Variants in ATP8A2 observed in about 807,000 individuals in gnomAD.
ATP8A2 encodes phospholipid-transporting ATPase IB.
ATP8A2 carries 100 observed loss-of-function variants against 165.6 expected under a neutral mutation model. That is an observed-to-expected ratio of 0.60 (90% CI 0.51 to 0.71). The LOEUF is 0.71. ATP8A2 is among the 30% of genes least tolerant of loss of function. The pLI is 0.00. For synonymous variants in ATP8A2, 543 were observed against 548.8 expected, an observed-to-expected ratio of 0.99 and a Z score of 0.15; for missense variants, 1,227 against 1,479.5, an observed-to-expected ratio of 0.83 and a Z score of 2.80.
chr13:25,805,499 AG>A (rs1950715101), intron 27 of ATP8A2, among the ~76,000 whole-genome samples: 1 of 152,160 alleles, frequency 6.6e-6, no homozygotes, highest in African/African-American at 2.4e-5. Context: ...CCTGGGCAAC[AG>A]AGTAAGACCC....
chr13:25,405,158 G>A (rs1044286024), intron 1 of ATP8A2, among the ~76,000 whole-genome samples: 2 of 152,144 alleles, frequency 1.3e-5, no homozygotes, highest in African/African-American at 4.8e-5. Flanking sequence ...GATGAGAGCA[G>A]CTCCCTGGAA....
chr13:25,853,396 A>AATATAT (rs1555278503), intron 30 of ATP8A2, among the ~76,000 whole-genome samples: 1,609 of 107,792 alleles, frequency 0.015, 24 homozygotes, highest in Middle Eastern at 0.026. Flanking sequence ...ATCTAAAAAA[A>AATATAT]ATATATATAT....
At position 25,596,920 on chromosome 13, in the gene ATP8A2, C is replaced by T. The variant is rs563535046; in HGVS notation, c.2211+7221C>T. 2.0e-5 allele frequency among the ~76,000 whole-genome samples: 3 copies of T among 152,268 alleles called. No individual in the cohort carries two copies. In the East Asian group the frequency reaches 5.8e-4, roughly 29 times the overall value. On this transcript the variant is annotated intron_variant, in intron 24 of 36. Coordinates refer to ENST00000381655, the MANE Select transcript of ATP8A2 (RefSeq NM_016529.6). ...TGCGTATCTTCACCGGTGTTTGGTA[C>T]TGTCAGTCGTTTTAATTTTAGCCAT...
chr13:26,003,693 T>C (rs1956680775), intron 35 of ATP8A2, among the ~76,000 whole-genome samples: 1 of 152,224 alleles, frequency 6.6e-6, no homozygotes, highest in Admixed American at 6.5e-5. Context: ...GAGTTGTTTT[T>C]GTATATGGTG....
chr13:26,003,944 G>C (rs1956687244), intron 35 of ATP8A2, among the ~76,000 whole-genome samples: 1 of 152,156 alleles, frequency 6.6e-6, no homozygotes, highest in Non-Finnish European at 1.5e-5. Context: ...TTTGAACACA[G>C]GGAGTGTGAT....
chr13:25,466,594 C>A (rs1035672698), intron 1 of ATP8A2, among the ~76,000 whole-genome samples: 5 of 152,158 alleles, frequency 3.3e-5, no homozygotes, highest in Non-Finnish European at 7.3e-5. Flanking sequence ...GTGTTCTCAG[C>A]GGCATCTAAC....
chr13:25,892,089 C>T (rs1845759105), intron 33 of ATP8A2, among the ~76,000 whole-genome samples: 1 of 151,834 alleles, frequency 6.6e-6, no homozygotes. Context: ...CATTCTCCTG[C>T]CTCAGCCTCC....
intron 24 of ATP8A2, among the ~76,000 whole-genome samples, chr13:25,647,197 C>T (rs574993236): frequency 1.6e-4 from 24 of 152,304 alleles, no homozygotes; most frequent in Non-Finnish European, 2.5e-4. Context: ...CTCTGTATTA[C>T]TTATACCATT....
At chr13:25,455,689 C>T (rs1279582006) in intron 1 of ATP8A2, among the ~76,000 whole-genome samples, 1 of 152,200 alleles carries the variant, frequency 6.6e-6, no homozygotes, top group Non-Finnish European at 1.5e-5. Context: ...AAGCAGTCAC[C>T]TGCCAGACTC....
chr13:25,454,040 G>A (rs1338854719), intron 1 of ATP8A2, among the ~76,000 whole-genome samples: 2 of 152,190 alleles, frequency 1.3e-5, no homozygotes, highest in Non-Finnish European at 2.9e-5. Context: ...CGGTAGGATG[G>A]TTAGTCATAA....
intron 2 of ATP8A2, among the ~76,000 whole-genome samples, chr13:25,529,652 G>T (rs183714065): frequency 1.9e-4 from 29 of 152,284 alleles, no homozygotes; most frequent in Admixed American, 1.3e-3. Context: ...ATCTGTGGTG[G>T]TTACCCAGAG....
intron 30 of ATP8A2, among the ~76,000 whole-genome samples, chr13:25,850,527 G>A (rs1951980523): frequency 7.0e-6 from 1 of 143,834 alleles, no homozygotes; most frequent in African/African-American, 2.6e-5. Flanking sequence ...CTGAAATTAT[G>A]CTCTTACCAT....
At chr13:25,766,787 C>A (rs1469969031) in intron 25 of ATP8A2, among the ~76,000 whole-genome samples, 2 of 152,234 alleles carry the variant, frequency 1.3e-5, no homozygotes, top group Non-Finnish European at 2.9e-5. Flanking sequence ...TGATGGCATG[C>A]ATTACTCAGA....
chr13:25,800,236 C>G (rs2138450143), intron 27 of ATP8A2, among the ~76,000 whole-genome samples: 1 of 152,322 alleles, frequency 6.6e-6, no homozygotes, highest in South Asian at 2.1e-4. Flanking sequence ...ACTGCATATG[C>G]TGCATCTATA....
At position 25,597,510 on chromosome 13, in the gene ATP8A2, T is replaced by C. The variant is rs113843791; in HGVS notation, c.2211+7811T>C. Among the ~76,000 whole-genome samples the C allele has an allele frequency of 5.9e-4, 90 of 152,322 alleles. 1 individual carries two copies. Among genetic ancestry groups the C allele is most frequent in the African/African-American group, 2.0e-3 (85 of 41,568 alleles). The stretch of plus-strand genomic sequence containing the variant: ...TGGAGAGGGCCATGTGGCAAGAAAT[T>C]GCAGACAGCCTCTAGTAGCTGAGAG... On this transcript the variant is annotated intron_variant, in intron 24 of 36. Coordinates refer to ENST00000381655, the MANE Select transcript of ATP8A2 (RefSeq NM_016529.6).
chr13:25,440,702 T>C (rs2034909683), intron 1 of ATP8A2, among the ~76,000 whole-genome samples: 1 of 152,154 alleles, frequency 6.6e-6, no homozygotes, highest in African/African-American at 2.4e-5. Flanking sequence ...AAGAGGACAA[T>C]GTGACAAGCA....
At chr13:25,910,128 A>G (rs550572496) in intron 33 of ATP8A2, among the ~76,000 whole-genome samples, 1 of 152,328 alleles carries the variant, frequency 6.6e-6, no homozygotes, top group African/African-American at 2.4e-5. Context: ...TTTGGCATTG[A>G]TTAATTTTGA....
chr13:25,741,805 G>A (rs2043918857), intron 25 of ATP8A2, among the ~76,000 whole-genome samples: 1 of 152,176 alleles, frequency 6.6e-6, no homozygotes, highest in South Asian at 2.1e-4. Flanking sequence ...CAGAAAATTG[G>A]GTTCTGGGGC....
Position 25,755,810 on chromosome 13 carries a change from T to G in ATP8A2, c.2385-13236T>G, listed in dbSNP as rs181578547. Among the ~76,000 whole-genome samples, 1,446 of 152,062 alleles carry G rather than the reference T, an allele frequency of 9.5e-3. 28 individuals carry two copies. The highest frequency in any genetic ancestry group is 0.033 in the African/African-American group (1,375 of 41,482). On this transcript the variant is annotated intron_variant, in intron 25 of 36. Transcript: ENST00000381655. The stretch of plus-strand genomic sequence containing the variant: ...TAATCCCAGCTACTTGGGAGGCTGA[T>G]GTAGGAGAATCGATTGAACCTGGGA...
Sources: gnomAD v4.1 joint callset for allele counts (sites outside exome capture counted in the v4.1 genomes callset) on GRCh38, gnomAD v4.1.1 for gene constraint, MANE v1.5 for transcripts, NCBI Gene and HGNC (gene_info 2026-07-23, HGNC 2026-07-21) for gene names.